Variants in SCIN observed in about 807,000 individuals in gnomAD.
SCIN encodes scinderin.
A neutral mutation model predicts 91.8 loss-of-function variants in SCIN; 91 were observed. That is an observed-to-expected ratio of 0.99 (90% CI 0.84 to 1.18). The LOEUF (loss-of-function observed/expected upper bound fraction) is 1.18. Among genes scored for constraint, SCIN ranks in the 50% most tolerant of loss-of-function variants. SCIN has a pLI of 0.00. For synonymous variants in SCIN, 367 were observed against 312.6 expected (o/e 1.17, Z -1.84); for missense variants, 1,087 against 863.9 (o/e 1.26, Z -3.24).
intron 3 of SCIN, among the ~76,000 whole-genome samples, chr7:12,599,709 C>A (rs2115244713): frequency 1.3e-5 from 2 of 152,088 alleles, no homozygotes; most frequent in South Asian, 2.1e-4. Context: ...TCATCATGGC[C>A]ATTCTTGCAG....
intron 4 of SCIN, among the ~76,000 whole-genome samples, chr7:12,618,340 C>A (rs1240135107): frequency 6.6e-6 from 1 of 152,134 alleles, no homozygotes; most frequent in Non-Finnish European, 1.5e-5. Context: ...CAGCACTGCG[C>A]TATAGCTAAA....
rs754794152 is a variant in SCIN at position 12,640,335 on chromosome 7, C to T, written c.1411-12C>T. 48 of 1,567,780 alleles carry T rather than the reference C, an allele frequency of 3.1e-5. No homozygotes were observed. The highest frequency in any genetic ancestry group is 4.0e-5 in the Non-Finnish European group (46 of 1,159,136). ...TAATTATATTTCTTTTATTCCCCCT[C>T]TCCCCCATCAGATCCGAGTCTCCCA... is the stretch of plus-strand genomic sequence containing the variant. On this transcript the variant is annotated splice_polypyrimidine_tract_variant and intron_variant, in intron 10 of 15. Transcript: ENST00000297029.
At position 12,625,851 on chromosome 7, in the gene SCIN, G is replaced by C; in HGVS notation, c.981+1G>C. On this transcript the variant is annotated splice_donor_variant, in intron 7 of 15. Transcript: ENST00000297029. LOFTEE classifies it high-confidence loss of function. ...AATGAATTATTCCAAGAATACCCAA[G>C]TATGTGTGAAACTGAACTGGCTAGA... 3 of 1,600,242 alleles carry C rather than the reference G, an allele frequency of 1.9e-6. No homozygotes were observed. Among genetic ancestry groups the C allele is most frequent in the Non-Finnish European group, 1.7e-6 (2 of 1,169,102 alleles).
At chr7:12,645,169 A>G (rs1439101856) in intron 13 of SCIN, among the ~76,000 whole-genome samples, 1 of 150,928 alleles carries the variant, frequency 6.6e-6, no homozygotes, top group Non-Finnish European at 1.5e-5. Context: ...AAATACAAAA[A>G]TTAGTCAGGC....
intron 3 of SCIN, among the ~76,000 whole-genome samples, chr7:12,586,623 G>GCATGCC (rs1562597982): frequency 6.6e-6 from 1 of 152,088 alleles, no homozygotes; most frequent in Admixed American, 6.5e-5. Flanking sequence ...AAAGGGATAC[G>GCATGCC]CATGCCCCTA....
chr7:12,577,876 A>G, intron 1 of SCIN, 188 bp from the exon 2 acceptor site: 1 of 565,060 alleles, frequency 1.8e-6, no homozygotes, highest in Non-Finnish European at 3.0e-6. Flanking sequence ...AAAATAGACT[A>G]AAAAAATTGT....
At chr7:12,580,311 A>G (rs1222076025) in intron 2 of SCIN, among the ~76,000 whole-genome samples, 2 of 116,792 alleles carry the variant, frequency 1.7e-5, no homozygotes, top group Non-Finnish European at 3.4e-5. Context: ...AAGGTAAAAG[A>G]TCATTGCAAA....
intron 3 of SCIN, among the ~76,000 whole-genome samples, chr7:12,592,421 C>A (rs938713683): frequency 2.6e-5 from 4 of 151,910 alleles, no homozygotes; most frequent in East Asian, 1.9e-4. Flanking sequence ...GGGCTGTAGG[C>A]CCTTTTGGTG....
intron 14 of SCIN, among the ~76,000 whole-genome samples, chr7:12,649,900 C>T (rs1388912660): frequency 6.6e-6 from 1 of 152,152 alleles, no homozygotes; most frequent in African/African-American, 2.4e-5. Context: ...AGGAAACCGA[C>T]ATATTCAAAG....
chr7:12,618,148 C>G (rs1464054742), intron 4 of SCIN, among the ~76,000 whole-genome samples: 5 of 152,040 alleles, frequency 3.3e-5, no homozygotes, highest in Non-Finnish European at 7.4e-5. Flanking sequence ...CTGGCATCCT[C>G]AAGACATGAG....
intron 11 of SCIN, among the ~76,000 whole-genome samples, chr7:12,642,059 T>G (rs1023094111): frequency 4.6e-5 from 7 of 151,474 alleles, no homozygotes; most frequent in Admixed American, 1.3e-4. Flanking sequence ...AAGTGAATAT[T>G]ATATACTATA....
chr7:12,588,698 C>T (rs1782643021), intron 3 of SCIN, among the ~76,000 whole-genome samples: 1 of 151,678 alleles, frequency 6.6e-6, no homozygotes, highest in East Asian at 1.9e-4. Context: ...TGACCTCCCC[C>T]ATGCTGCCCG....
In SCIN at chr7:12,658,423, G is replaced by A. The variant is rs1017401522; in HGVS notation, c.*5708G>A. On this transcript the variant is annotated 3_prime_UTR_variant, in exon 16 of 16. Coordinates refer to ENST00000297029, the MANE Select transcript of SCIN (RefSeq NM_001112706.3). Reference sequence around the variant, plus strand: ...TTGACACACCAAAGATGCTATGTAGGTGAAAATCTCTCCTAATGCATTCCC... The same window carrying A: ...TTGACACACCAAAGATGCTATGTAGATGAAAATCTCTCCTAATGCATTCCC... 1 of 152,160 alleles carries A rather than the reference G, an allele frequency of 6.6e-6. No homozygotes were observed. Among genetic ancestry groups the A allele is most frequent in the Admixed American group, 6.5e-5 (1 of 15,272 alleles). 9.4% of individuals were successfully genotyped at this position (152,160 alleles called of 1,614,324 possible). A position where few individuals can be genotyped will look rare whatever the true frequency, so the allele number is the denominator to read the frequency against.
chr7:12,648,637 A>G (rs1784014314), intron 13 of SCIN, among the ~76,000 whole-genome samples: 1 of 152,160 alleles, frequency 6.6e-6, no homozygotes, highest in South Asian at 2.1e-4. Flanking sequence ...AAAATGAAAG[A>G]TAATTTAATA....
intron 6 of SCIN, among the ~76,000 whole-genome samples, chr7:12,625,389 T>C (rs751749341): frequency 7.9e-5 from 12 of 151,584 alleles, no homozygotes; most frequent in South Asian, 6.2e-4. Context: ...TTTTTTCCTG[T>C]ATTGTTAAAT....
intron 5 of SCIN, among the ~76,000 whole-genome samples, chr7:12,623,328 C>T (rs1783448657): frequency 6.6e-6 from 1 of 152,020 alleles, no homozygotes; most frequent in Non-Finnish European, 1.5e-5. Context: ...GGCTGAGCTA[C>T]CAAATGAAAC....
chr7:12,613,530 T>G (rs1382635100), intron 4 of SCIN, among the ~76,000 whole-genome samples: 1 of 152,152 alleles, frequency 6.6e-6, no homozygotes. Context: ...TGAGGAAATA[T>G]GCTCACATAT....
At chr7:12,620,624 C>A (rs1157349249) in intron 4 of SCIN, among the ~76,000 whole-genome samples, 1 of 151,952 alleles carries the variant, frequency 6.6e-6, no homozygotes, top group Non-Finnish European at 1.5e-5. Flanking sequence ...CAGTGACTAA[C>A]CATGATTAAA....
intron 5 of SCIN, among the ~76,000 whole-genome samples, chr7:12,623,521 TA>T: frequency 6.6e-6 from 1 of 152,302 alleles, no homozygotes; most frequent in South Asian, 2.1e-4. Flanking sequence ...TAGTTTTTTT[TA>T]TTCTTTGTTT....
Sources: gnomAD v4.1 joint callset for allele counts (sites outside exome capture counted in the v4.1 genomes callset) on GRCh38, gnomAD v4.1.1 for gene constraint, MANE v1.5 for transcripts, NCBI Gene and HGNC (gene_info 2026-07-23, HGNC 2026-07-21) for gene names.